The following SIPA1L1 variants were observed in gnomAD, a reference collection of about 807,000 sequenced individuals.
The protein encoded by SIPA1L1 is signal induced proliferation associated 1 like 1, also known as signal-induced proliferation-associated 1-like protein 1.
A neutral mutation model predicts 162.7 loss-of-function variants in SIPA1L1; 26 were observed. The ratio of observed to expected loss-of-function variants is 0.16; its 90% confidence interval spans 0.12 to 0.22. The LOEUF is 0.22. Ranked by LOEUF, SIPA1L1 falls within the 10% of genes least tolerant of loss-of-function variation. The probability of loss-of-function intolerance (pLI) is 1.00; values close to 1 mark genes in which losing one functional copy is unlikely to be tolerated. For synonymous variants in SIPA1L1, 829 were observed against 837.4 expected, an observed-to-expected ratio of 0.99 and a Z score of 0.17; for missense variants, 1,874 against 2,241.0, an observed-to-expected ratio of 0.84 and a Z score of 3.31.
intron 2 of SIPA1L1, among the ~76,000 whole-genome samples, chr14:71,326,715 CT>C (rs34173331): frequency 0.11 from 11,499 of 107,298 alleles, 302 homozygotes; most frequent in East Asian, 0.32. Context: ...ATGTAATTTG[CT>C]TTTTTTTTTT....
chr14:71,625,007 T>C (rs952202999), intron 7 of SIPA1L1, among the ~76,000 whole-genome samples: 1 of 152,198 alleles, frequency 6.6e-6, no homozygotes, highest in Admixed American at 6.5e-5. Flanking sequence ...TATTGCATCC[T>C]AGTAGTGGGT....
At chr14:71,634,402 CAAAAAA>C (rs78425751) in intron 7 of SIPA1L1, among the ~76,000 whole-genome samples, 1 of 81,360 alleles carries the variant, frequency 1.2e-5, no homozygotes, top group Non-Finnish European at 2.4e-5. Flanking sequence ...AACTCCATTT[CAAAAAA>C]AAAAAAAAAA....
At chr14:71,322,422 C>G (rs2033162453) in intron 2 of SIPA1L1, among the ~76,000 whole-genome samples, 1 of 152,120 alleles carries the variant, frequency 6.6e-6, no homozygotes, top group African/African-American at 2.4e-5. Flanking sequence ...TGTCATTTTT[C>G]TCTTCGTTTT....
intron 12 of SIPA1L1, 38 bp from the exon 13 acceptor site, chr14:71,685,324 T>C (rs2046193416): frequency 1.9e-6 from 3 of 1,604,514 alleles, no homozygotes; most frequent in Non-Finnish European, 2.6e-6. Flanking sequence ...GAAAAAGCAG[T>C]ATCCATTGTG....
intron 2 of SIPA1L1, among the ~76,000 whole-genome samples, chr14:71,365,567 C>A (rs1337086795): frequency 6.6e-6 from 1 of 152,086 alleles, no homozygotes; most frequent in Non-Finnish European, 1.5e-5. Context: ...CCCAGTGGAG[C>A]ATACAAGTTT....
intron 2 of SIPA1L1, among the ~76,000 whole-genome samples, chr14:71,333,489 G>A (rs931016496): frequency 2.0e-5 from 3 of 152,192 alleles, no homozygotes; most frequent in African/African-American, 4.8e-5. Context: ...ATTCAGTTAT[G>A]CAAAGTAAAA....
intron 17 of SIPA1L1, among the ~76,000 whole-genome samples, chr14:71,710,333 G>A (rs372830584): frequency 5.3e-5 from 8 of 152,256 alleles, no homozygotes; most frequent in East Asian, 3.9e-4. Context: ...CTTGATTGGA[G>A]CCTAAAATCC....
At chr14:71,346,615 C>G (rs2036194425) in intron 2 of SIPA1L1, among the ~76,000 whole-genome samples, 2 of 152,096 alleles carry the variant, frequency 1.3e-5, no homozygotes, top group Admixed American at 1.3e-4. Context: ...TGATGGTAAG[C>G]AAAAGCGGGG....
At chr14:71,663,161 T>TAAA (rs2043687589) in intron 10 of SIPA1L1, among the ~76,000 whole-genome samples, 1 of 152,240 alleles carries the variant, frequency 6.6e-6, no homozygotes, top group Non-Finnish European at 1.5e-5. Context: ...GAAATTAATG[T>TAAA]TGACACTGTT....
chr14:71,681,908 G>T (rs2045846187), intron 12 of SIPA1L1, among the ~76,000 whole-genome samples: 1 of 152,228 alleles, frequency 6.6e-6, no homozygotes, highest in South Asian at 2.1e-4. Flanking sequence ...TAGGGTTTCA[G>T]CATGTCACCT....
Position 71,435,135 on chromosome 14 carries a change from A to G in SIPA1L1, c.-464-77608A>G, listed in dbSNP as rs537352045. On this transcript the variant is annotated intron_variant, in intron 2 of 23. Coordinates refer to ENST00000381232, the MANE Select transcript of SIPA1L1 (RefSeq NM_001386936.1). The stretch of plus-strand genomic sequence containing the variant: ...AAACTGCCCTGCTTAAACATTGTAT[A>G]CATTTACACTCCTCTCAGCAATGTA... Among the ~76,000 whole-genome samples the G allele has an allele frequency of 2.6e-5, 4 of 152,130 alleles. No individual in the cohort carries two copies. The South Asian group carries it at 8.3e-4, about 32-fold the overall frequency.
At chr14:71,512,629 C>T (rs2051270304) in intron 2 of SIPA1L1, 114 bp from the exon 3 acceptor site, 1 of 136,136 alleles carries the variant, frequency 7.3e-6, no homozygotes, top group African/African-American at 2.8e-5. Context: ...TTTGACATGG[C>T]CCTGCAATGC....
chr14:71,720,134 G>A (rs1433026171), intron 17 of SIPA1L1, among the ~76,000 whole-genome samples: 1 of 152,108 alleles, frequency 6.6e-6, no homozygotes, highest in African/African-American at 2.4e-5. Flanking sequence ...TCTTATTTGG[G>A]TGGGATCTTT....
intron 4 of SIPA1L1, among the ~76,000 whole-genome samples, chr14:71,581,494 G>A (rs2033921963): frequency 6.6e-6 from 1 of 152,122 alleles, no homozygotes; most frequent in African/African-American, 2.4e-5. Context: ...CCGTGTGCTG[G>A]ATACTTACTG....
At chr14:71,531,125 C>G (rs993147826) in intron 4 of SIPA1L1, among the ~76,000 whole-genome samples, 12 of 152,108 alleles carry the variant, frequency 7.9e-5, no homozygotes, top group African/African-American at 2.9e-4. Context: ...CACTCCTGTG[C>G]AGGTGTGGAA....
intron 5 of SIPA1L1, among the ~76,000 whole-genome samples, chr14:71,604,687 T>C (rs1227128251): frequency 6.6e-6 from 1 of 152,176 alleles, no homozygotes; most frequent in African/African-American, 2.4e-5. Context: ...TTTATTTTTT[T>C]TCTTTTTTTT....
intron 2 of SIPA1L1, among the ~76,000 whole-genome samples, chr14:71,425,875 A>T (rs939376488): frequency 6.6e-6 from 1 of 151,124 alleles, no homozygotes; most frequent in Non-Finnish European, 1.5e-5. Flanking sequence ...ATATTTTGAT[A>T]GTTAGGTGAA....
At chr14:71,709,143 T>TA in intron 16 of SIPA1L1, 79 bp from the exon 17 acceptor site, 1 of 1,218,424 alleles carries the variant, frequency 8.2e-7, no homozygotes, top group East Asian at 2.4e-5. Flanking sequence ...AACTAGAAAT[T>TA]AATCACAGTG....
Position 71,494,523 on chromosome 14 carries a change from CTTTTTTT to C in SIPA1L1, c.-464-18209_-464-18203del, listed in dbSNP as rs201797447. On this transcript the variant is annotated intron_variant, in intron 2 of 23. Transcript: ENST00000381232. ...TCTAATTGAGATTTTCTTTTCTTTTCTTTTTTTTTTTTTTTTTGAGACAGGGTCTTAC... is the reference window on the plus strand; with the variant it reads ...TCTAATTGAGATTTTCTTTTCTTTTCTTTTTTTTTTGAGACAGGGTCTTAC... Among the ~76,000 whole-genome samples the C allele has an allele frequency of 1.5e-4, 19 of 126,710 alleles. No homozygotes were observed. The East Asian group carries it at 3.9e-3, about 26-fold the overall frequency. 83.1% of individuals were successfully genotyped at this position (126,710 alleles called of 152,430 possible).
Sources: gnomAD v4.1 joint callset for allele counts (sites outside exome capture counted in the v4.1 genomes callset) on GRCh38, gnomAD v4.1.1 for gene constraint, MANE v1.5 for transcripts, NCBI Gene and HGNC (gene_info 2026-07-23, HGNC 2026-07-21) for gene names.